The following NEBL variants were observed in gnomAD, a reference collection of about 807,000 sequenced individuals.
NEBL encodes nebulette, also known as LIM and SH3 protein 2.
In NEBL, 122 loss-of-function variants were observed where a neutral mutation model predicts 140.2. The ratio of observed to expected loss-of-function variants is 0.87; its 90% CI spans 0.75 to 1.01. The LOEUF (loss-of-function observed/expected upper bound fraction) is 1.01. Among genes scored for constraint, NEBL ranks in the 50% least tolerant of loss-of-function variants. NEBL has a pLI of 0.00. For synonymous variants in NEBL, 436 were observed against 398.9 expected (o/e 1.09, Z -1.11); for missense variants, 1,365 against 1,231.3 (o/e 1.11, Z -1.62).
intron 2 of NEBL, among the ~76,000 whole-genome samples, chr10:21,160,041 C>A (rs1840492399): frequency 6.6e-6 from 1 of 152,202 alleles, no homozygotes; most frequent in East Asian, 1.9e-4. Flanking sequence ...GTTCCTGACC[C>A]ACCAGTATAG....
intron 8 of NEBL, 128 bp from the exon 9 acceptor site, chr10:20,858,472 A>G (rs1313325759): frequency 1.3e-6 from 1 of 790,700 alleles, no homozygotes; most frequent in African/African-American, 1.7e-5. Flanking sequence ...ATTTACAAGG[A>G]GCCACTAGAT....
At chr10:21,111,555 T>A (rs1445106479) in intron 2 of NEBL, among the ~76,000 whole-genome samples, 1 of 151,596 alleles carries the variant, frequency 6.6e-6, no homozygotes, top group Non-Finnish European at 1.5e-5. Flanking sequence ...AAGCTGAAAC[T>A]GGATCCCTTC....
intron 1 of NEBL, among the ~76,000 whole-genome samples, chr10:21,277,709 C>G (rs1312347148): frequency 6.6e-6 from 1 of 152,194 alleles, no homozygotes; most frequent in Non-Finnish European, 1.5e-5. Context: ...ATTTCAGTCC[C>G]AGGTAATGAT....
intron 3 of NEBL, among the ~76,000 whole-genome samples, chr10:21,229,475 T>G (rs759948917): frequency 1.3e-5 from 2 of 152,134 alleles, no homozygotes; most frequent in African/African-American, 2.4e-5. Context: ...TTTGGAATAA[T>G]GTTTAAAAAG....
At chr10:21,103,068 C>A (rs1294404477) in intron 2 of NEBL, among the ~76,000 whole-genome samples, 1 of 149,650 alleles carries the variant, frequency 6.7e-6, no homozygotes, top group East Asian at 2.0e-4. Flanking sequence ...CGAAAACTAT[C>A]TTGGAGTGGA....
intron 1 of NEBL, among the ~76,000 whole-genome samples, chr10:21,282,257 G>A (rs1047012676): frequency 1.3e-5 from 2 of 152,178 alleles, no homozygotes; most frequent in African/African-American, 2.4e-5. Context: ...AGCTCTCTGC[G>A]GGGGTAGAGA....
At chr10:21,214,038 A>G (rs1841953834) in intron 3 of NEBL, among the ~76,000 whole-genome samples, 1 of 152,168 alleles carries the variant, frequency 6.6e-6, no homozygotes, top group African/African-American at 2.4e-5. Flanking sequence ...TGTGTCTTGA[A>G]TGATGATAAT....
chr10:21,110,817 G>A (rs542093221), intron 2 of NEBL: 4 of 602,828 alleles, frequency 6.6e-6, no homozygotes, highest in South Asian at 5.7e-5. Context: ...CTCATGCAAA[G>A]GATGAATTGC....
At chr10:20,869,066 T>C (rs1006426960) in intron 6 of NEBL, among the ~76,000 whole-genome samples, 2 of 152,182 alleles carry the variant, frequency 1.3e-5, no homozygotes, top group Admixed American at 1.3e-4. Context: ...TTCTGGGGAA[T>C]TGAGACCCTG....
chr10:21,153,484 T>A (rs1195185433), intron 2 of NEBL, among the ~76,000 whole-genome samples: 1 of 151,440 alleles, frequency 6.6e-6, no homozygotes, highest in African/African-American at 2.4e-5. Context: ...TGCCCACCAC[T>A]ACACCTGGCT....
chr10:21,247,233 T>C (rs1842529089), intron 3 of NEBL, among the ~76,000 whole-genome samples: 1 of 152,160 alleles, frequency 6.6e-6, no homozygotes. Flanking sequence ...TTTATAGCAG[T>C]GTGAGAACAG....
At chr10:20,847,606 G>A (rs1355776379) in intron 11 of NEBL, among the ~76,000 whole-genome samples, 1 of 152,088 alleles carries the variant, frequency 6.6e-6, no homozygotes, top group Admixed American at 6.6e-5. Flanking sequence ...CTAGGGCTGA[G>A]GATCAAAGAA....
chr10:20,789,391 A>C (rs1041677328), intron 26 of NEBL, among the ~76,000 whole-genome samples: 1 of 152,178 alleles, frequency 6.6e-6, no homozygotes, highest in South Asian at 2.1e-4. Flanking sequence ...TTTAAGAAAA[A>C]CTTTCAGGAA....
At chr10:21,092,627 A>C (rs1171722625) in intron 2 of NEBL, among the ~76,000 whole-genome samples, 1 of 133,704 alleles carries the variant, frequency 7.5e-6, no homozygotes, top group Non-Finnish European at 1.6e-5. Context: ...TAATAATAAT[A>C]ATGGCTCACC....
intron 3 of NEBL, among the ~76,000 whole-genome samples, chr10:21,230,394 T>TA (rs1188933979): frequency 3.3e-5 from 5 of 152,104 alleles, no homozygotes; most frequent in Non-Finnish European, 5.9e-5. Context: ...ACTGCTCACT[T>TA]AAAAAAAGAA....
intron 26 of NEBL, among the ~76,000 whole-genome samples, chr10:20,797,951 A>G (rs182896797): frequency 6.6e-6 from 1 of 152,154 alleles, no homozygotes; most frequent in Admixed American, 6.5e-5. Context: ...AAACAAAAAA[A>G]TACTCACCAG....
At chr10:20,823,064 TA>T in intron 19 of NEBL, 143 bp downstream of exon 19, 1 of 618,334 alleles carries the variant, frequency 1.6e-6, no homozygotes, top group Non-Finnish European at 2.8e-6. Context: ...TACAGATGTG[TA>T]AAATGCTAGC....
At chr10:21,030,094 A>T in intron 2 of NEBL, 1 of 471,790 alleles carries the variant, frequency 2.1e-6, no homozygotes, top group Non-Finnish European at 4.1e-6. Context: ...TTGTCTTTGG[A>T]GGGGCAAAGC....
intron 3 of NEBL, among the ~76,000 whole-genome samples, chr10:21,217,202 G>A (rs1437360548): frequency 6.6e-6 from 1 of 152,066 alleles, no homozygotes. Context: ...CAGATGAGAG[G>A]GTAGTTATCA....
Sources: gnomAD v4.1 joint callset for allele counts (sites outside exome capture counted in the v4.1 genomes callset) on GRCh38, gnomAD v4.1.1 for gene constraint, MANE v1.5 for transcripts, NCBI Gene and HGNC (gene_info 2026-07-23, HGNC 2026-07-21) for gene names.